Variants in SCUBE2 observed in about 807,000 individuals in gnomAD.
SCUBE2 encodes the protein signal peptide, CUB and EGF-like domain-containing protein 2.
SCUBE2 carries 114 observed loss-of-function variants against 125.9 expected under a neutral mutation model. That is an observed-to-expected ratio of 0.91 (90% CI 0.78 to 1.06). The LOEUF is 1.06. SCUBE2 is among the 50% of genes least tolerant of loss of function. The pLI is 0.00. For missense variants in SCUBE2, 1,255 were observed against 1,301.8 expected (o/e 0.96, Z 0.55); for synonymous variants, 459 against 492.9 (o/e 0.93, Z 0.91).
intron 16 of SCUBE2, among the ~76,000 whole-genome samples, chr11:9,042,564 T>C (rs990207224): frequency 1.3e-5 from 2 of 152,190 alleles, no homozygotes; most frequent in Non-Finnish European, 2.9e-5. Context: ...ATCTTTTTCA[T>C]CCTTTCTCAT....
In SCUBE2 at chr11:9,020,463, C is replaced by T. The variant is rs1855211807; in HGVS notation, c.*582G>A. ...TTTTTTTCACGAGCACTGCTTAGAACTCAAGTTCCTGGGATCAAACTTGTA... is the reference window on the plus strand; with the variant it reads ...TTTTTTTCACGAGCACTGCTTAGAATTCAAGTTCCTGGGATCAAACTTGTA... On this transcript the variant is annotated 3_prime_UTR_variant, in exon 23 of 23. Coordinates refer to ENST00000649792, the MANE Select transcript of SCUBE2 (RefSeq NM_001367977.2). The T allele has an allele frequency of 6.6e-6, 1 of 151,802 alleles. No individual in the cohort carries two copies. The highest frequency in any genetic ancestry group is 2.1e-4 in the South Asian group (1 of 4,810). 9.4% of individuals were successfully genotyped at this position (151,802 alleles called of 1,614,324 possible).
intron 17 of SCUBE2, among the ~76,000 whole-genome samples, chr11:9,033,015 C>A (rs892539859): frequency 3.3e-5 from 5 of 152,168 alleles, no homozygotes; most frequent in African/African-American, 1.2e-4. Context: ...ATATAAATCA[C>A]CATTCAGATC....
chr11:9,047,783 C>A (rs1212549762), intron 15 of SCUBE2, among the ~76,000 whole-genome samples, 160 bp downstream of exon 15: 1 of 152,062 alleles, frequency 6.6e-6, no homozygotes, highest in Non-Finnish European at 1.5e-5. Flanking sequence ...AGAAAACCAT[C>A]AGGTTCCAAA....
At chr11:9,058,411 C>T (rs565948626) in intron 9 of SCUBE2, among the ~76,000 whole-genome samples, 5 of 152,048 alleles carry the variant, frequency 3.3e-5, no homozygotes, top group African/African-American at 4.8e-5. Context: ...GCCTGACCAA[C>T]ATAGGGAAAC....
intron 16 of SCUBE2, among the ~76,000 whole-genome samples, chr11:9,046,792 T>A (rs1214031903): frequency 6.6e-6 from 1 of 152,226 alleles, no homozygotes; most frequent in Non-Finnish European, 1.5e-5. Flanking sequence ...ACAGTTACAC[T>A]TGATTTTGCA....
Position 9,053,777 on chromosome 11 carries a change from C to T in SCUBE2, c.1208-18G>A. ...ATTGGTGTCTGTGGAACAAAATACT[C>T]TCCTGTCATAGCAGCCTGTCACTGA... On this transcript the variant is annotated intron_variant, in intron 10 of 22. Transcript: ENST00000649792. The T allele has an allele frequency of 1.2e-6, 2 of 1,607,168 alleles. No individual in the cohort carries two copies. Among genetic ancestry groups the T allele is most frequent in the Non-Finnish European group, 8.5e-7 (1 of 1,174,678 alleles).
rs1860280127 is a variant in SCUBE2, at chr11:9,066,765, G to A, written c.692C>T (p.Thr231Ile). 6 of 1,614,184 alleles carry A rather than the reference G, an allele frequency of 3.7e-6. No individual in the cohort carries two copies. The highest frequency in any genetic ancestry group is 5.1e-6 in the Non-Finnish European group (6 of 1,180,038). ...GCAGCTGCACTCTGGGCCATCGGCT[G>A]TATCGTCACAGGAGTGCTGGCACCC... ...NGGCQHSCDD[T>I]ADGPECSCHP... Residue 231 changes from threonine (T) to isoleucine (I), a missense_variant, in exon 6 of 23, where the codon ACA becomes ATA. Thr to Ile is a moderately conservative substitution (Grantham distance 89). Around this residue, in one of 3 missense-constraint regions of SCUBE2, gnomAD observed 362 missense variants for 323.0 expected, o/e 1.12. Coordinates refer to ENST00000649792, the MANE Select transcript of SCUBE2 (RefSeq NM_001367977.2).
At chr11:9,052,121 G>A (rs146339432) in intron 13 of SCUBE2, among the ~76,000 whole-genome samples, 143 of 152,274 alleles carry the variant, frequency 9.4e-4, no homozygotes, top group African/African-American at 3.0e-3. Context: ...CAGTTAATTC[G>A]TGTACTATGG....
intron 2 of SCUBE2, among the ~76,000 whole-genome samples, chr11:9,084,373 A>G (rs2647529): frequency 0.97 from 147,448 of 152,312 alleles, 71,523 homozygotes; most frequent in East Asian, 1. Flanking sequence ...TAAGGAATTA[A>G]AGAAATGCAA....
chr11:9,089,378 A>G (rs1333026524), intron 2 of SCUBE2, among the ~76,000 whole-genome samples: 1 of 152,232 alleles, frequency 6.6e-6, no homozygotes, highest in Non-Finnish European at 1.5e-5. Context: ...CTGCTCTGGC[A>G]GGCATGGCTC....
rs1857877554 is a variant in SCUBE2, at chr11:9,047,286, C to A, written c.2002+70G>T. On this transcript the variant is annotated intron_variant, in intron 16 of 22. Transcript: ENST00000649792. ...GAGAAGGGAGGATGGGCCAGACTTG[C>A]CTTCGGTTACCCTGAGTGTTTATGG... 5.2e-6 allele frequency: 8 copies of A among 1,533,560 alleles called. 1 individual carries two copies. Among genetic ancestry groups the A allele is most frequent in the South Asian group, 3.4e-5 (3 of 87,904 alleles). 95.0% of individuals were successfully genotyped at this position (1,533,560 alleles called of 1,614,324 possible).
rs1383835867 is a variant in SCUBE2 at position 9,027,474 on chromosome 11, C to T, written c.2591G>A (p.Cys864Tyr). The change falls in exon 20 of 23, where the codon TGT becomes TAT. Residue 864 changes from cysteine (C) to tyrosine (Y), a missense_variant. Physicochemically the swap from Cys to Tyr is radical, Grantham distance 194. Coordinates refer to ENST00000649792, the MANE Select transcript of SCUBE2 (RefSeq NM_001367977.2). ...YPGNYPANTE[C>Y]TWTINPPPKR... The stretch of plus-strand genomic sequence containing the variant: ...GGGGGGTGGGTTGATGGTCCACGTA[C>T]ACTCGGTGTTGGCTGGGTAATTGCC... 2 of 1,614,128 alleles carry T rather than the reference C, an allele frequency of 1.2e-6. No individual in the cohort carries two copies. Among genetic ancestry groups the T allele is most frequent in the African/African-American group, 1.3e-5 (1 of 75,034 alleles).
Position 9,020,925 on chromosome 11 carries a change from C to CATTA in SCUBE2, c.*119_*120insTAAT. 1 of 874,254 alleles carries CATTA rather than the reference C, an allele frequency of 1.1e-6. No homozygotes were observed. Among genetic ancestry groups the CATTA allele is most frequent in the Non-Finnish European group, 1.7e-6 (1 of 586,474 alleles). 54.2% of individuals were successfully genotyped at this position (874,254 alleles called of 1,614,324 possible). ...CTGTATTATCTATAAAAATTGAACTCTAATGAGTCACTGATACGGGAGGCA... is the reference window on the plus strand; with the variant it reads ...CTGTATTATCTATAAAAATTGAACTCATTATAATGAGTCACTGATACGGGAGGCA... On this transcript the variant is annotated 3_prime_UTR_variant, in exon 23 of 23. Coordinates refer to ENST00000649792, the MANE Select transcript of SCUBE2 (RefSeq NM_001367977.2).
At chr11:9,051,809 A>G (rs1311028657) in intron 13 of SCUBE2, among the ~76,000 whole-genome samples, 2 of 152,256 alleles carry the variant, frequency 1.3e-5, no homozygotes, top group Non-Finnish European at 2.9e-5. Context: ...CTGCATAGCC[A>G]TTAGCTATTT....
At position 9,047,547 on chromosome 11, in the gene SCUBE2, C is replaced by T. The variant is rs1486232090; in HGVS notation, c.1811G>A (p.Ser604Asn). ...CTTCTCGGTTCGCTTTACGATGCAG[C>T]TCAGGTCACAAGAAGCTACAGAAAC... ...QKEVTASCDL[S>N]CIVKRTEKRL... Residue 604 changes from serine (S) to asparagine (N), a missense_variant, in exon 16 of 23, where the codon AGC becomes AAC. Ser to Asn is a conservative substitution (Grantham distance 46, BLOSUM62 1). Around this residue, in one of 3 missense-constraint regions of SCUBE2, gnomAD observed 378 missense variants for 463.1 expected, o/e 0.82. Coordinates refer to ENST00000649792, the MANE Select transcript of SCUBE2 (RefSeq NM_001367977.2). 2 of 1,613,814 alleles carry T rather than the reference C, an allele frequency of 1.2e-6. No homozygotes were observed. Among genetic ancestry groups the T allele is most frequent in the Non-Finnish European group, 1.7e-6 (2 of 1,179,998 alleles).
chr11:9,054,701 G>GTATATATATATATATATATA (rs1210852364), intron 10 of SCUBE2, among the ~76,000 whole-genome samples: 16 of 51,076 alleles, frequency 3.1e-4, no homozygotes, highest in East Asian at 2.2e-3. Flanking sequence ...AAGCACTAGT[G>GTATATATATATATATATATA]TATATATATA....
chr11:9,070,405 C>T (rs1860676296), intron 4 of SCUBE2, among the ~76,000 whole-genome samples: 1 of 152,198 alleles, frequency 6.6e-6, no homozygotes. Flanking sequence ...GATCCTGCTG[C>T]CTACCAGCAT....
At chr11:9,060,702 T>C (rs958584947) in intron 7 of SCUBE2, among the ~76,000 whole-genome samples, 178 bp from the exon 8 acceptor site, 1 of 152,068 alleles carries the variant, frequency 6.6e-6, no homozygotes, top group Non-Finnish European at 1.5e-5. Flanking sequence ...CTAAATGAGT[T>C]CTAGTTTCTG....
At chr11:9,035,506 C>T (rs553466560) in intron 16 of SCUBE2, among the ~76,000 whole-genome samples, 2 of 152,260 alleles carry the variant, frequency 1.3e-5, no homozygotes, top group South Asian at 4.1e-4. Context: ...CTGGAACAAA[C>T]ATTCTCTATA....
Sources: allele counts gnomAD v4.1 joint callset (sites outside exome capture counted in the v4.1 genomes callset), GRCh38; gene constraint gnomAD v4.1.1; regional missense constraint gnomAD v4.1.1; transcripts MANE v1.5; gene names NCBI Gene and HGNC (gene_info 2026-07-23, HGNC 2026-07-21).